The following FREM2 variants were observed in gnomAD, a reference collection of about 807,000 sequenced individuals.
FREM2 encodes the protein FRAS1-related extracellular matrix protein 2.
In FREM2, 119 loss-of-function variants were observed where a neutral mutation model predicts 219.9. The ratio of observed to expected loss-of-function variants is 0.54; its 90% CI spans 0.47 to 0.63. The LOEUF is 0.63. Ranked by LOEUF, FREM2 falls within the 30% of genes least tolerant of loss-of-function variation. The pLI is 0.00. For missense variants in FREM2, 4,030 were observed against 3,993.6 expected, an observed-to-expected ratio of 1.01 and a Z score of -0.25; for synonymous variants, 1,562 against 1,522.8, an observed-to-expected ratio of 1.03 and a Z score of -0.60.
rs371828549 is a variant in FREM2 at position 38,777,088 on chromosome 13, CATA to C, written c.5642-5978_5642-5976del. ...ATACTATATACTTTATATACTTTTT[CATA>C]ATACTTGTGAAGATTTATTAATATG... is the stretch of plus-strand genomic sequence containing the variant. On this transcript the variant is annotated intron_variant, in intron 4 of 23. Transcript: ENST00000280481. Among the ~76,000 whole-genome samples the C allele has an allele frequency of 2.6e-3, 396 of 151,664 alleles. 3 individuals are homozygous for C. Among genetic ancestry groups the C allele is most frequent in the African/African-American group, 7.2e-3 (296 of 41,382 alleles).
Position 38,690,006 on chromosome 13 carries a change from G to T in FREM2, c.2662G>T (p.Gly888Cys), listed in dbSNP as rs1420183053. The T allele has an allele frequency of 1.2e-6, 2 of 1,613,944 alleles. No individual in the cohort carries two copies. The highest frequency in any genetic ancestry group is 2.2e-5 in the South Asian group (2 of 91,072). The stretch of plus-strand genomic sequence containing the variant: ...GTCTGGACAGATCCTGCATGTAGGG[G>T]GTCTCTTCCACTTGGAGGACATAAA... ...RVSGQILHVG[G>C]LFHLEDIKQG... The change falls in exon 1 of 24, where the codon GGT becomes TGT. Residue 888 changes from glycine to cysteine, a missense_variant. Transcript: ENST00000280481.
At chr13:38,781,298 C>T (rs1874106848) in intron 4 of FREM2, among the ~76,000 whole-genome samples, 1 of 152,174 alleles carries the variant, frequency 6.6e-6, no homozygotes, top group Non-Finnish European at 1.5e-5. Context: ...TTTATTACTA[C>T]CTTCCAATCT....
intron 6 of FREM2, among the ~76,000 whole-genome samples, chr13:38,797,353 G>A (rs1874833136): frequency 6.6e-6 from 1 of 152,018 alleles, no homozygotes; most frequent in Non-Finnish European, 1.5e-5. Context: ...CTGATGCTTA[G>A]TGATGTTGCA....
chr13:38,732,301 G>C (rs768521796), intron 2 of FREM2, among the ~76,000 whole-genome samples: 6 of 152,170 alleles, frequency 3.9e-5, no homozygotes, highest in Non-Finnish European at 7.3e-5. Context: ...TCATGTCAGA[G>C]TTTGCCAAAT....
In FREM2 at chr13:38,688,046, C is replaced by T. The variant is rs1032260079; in HGVS notation, c.702C>T (p.Leu234=). The stretch of plus-strand genomic sequence containing the variant: ...CGCTGCCTCGCTATGGAGAACTCCT[C>T]CACTACCCGCAGGTCCCTGGAGGAG... ...LGALPRYGEL[L]HYPQVPGGAR... The change falls in exon 1 of 24, where the codon CTC becomes CTT. Residue 234 remains leucine (L), a synonymous_variant. Coordinates refer to ENST00000280481, the MANE Select transcript of FREM2 (RefSeq NM_207361.6). The T allele has an allele frequency of 6.2e-7, 1 of 1,608,968 alleles. No homozygotes were observed.
At position 38,688,473 on chromosome 13, in the gene FREM2, A is replaced by G. The variant is rs1402778808; in HGVS notation, c.1129A>G (p.Ser377Gly). 1 of 1,613,998 alleles carries G rather than the reference A, an allele frequency of 6.2e-7. No individual in the cohort carries two copies. The highest frequency in any genetic ancestry group is 8.5e-7 in the Non-Finnish European group (1 of 1,180,028). ...CTACTTGGTGAGCACCGATGATCGCAGCCTGCCCCTTTCCTCCTTCACTCA... is the reference window on the plus strand; with the variant it reads ...CTACTTGGTGAGCACCGATGATCGCGGCCTGCCCCTTTCCTCCTTCACTCA... ...QGYLVSTDDR[S>G]LPLSSFTQRD... Residue 377 changes from serine to glycine, a missense_variant, in exon 1 of 24, where the codon AGC becomes GGC. This residue lies in a region of FREM2 where 3,102 missense variants were observed against 2,950.7 expected (regional missense o/e 1.05). Coordinates refer to ENST00000280481, the MANE Select transcript of FREM2 (RefSeq NM_207361.6).
intron 2 of FREM2, among the ~76,000 whole-genome samples, chr13:38,709,986 TACACACACACACACACACACAC>T (rs59108347): frequency 3.2e-3 from 414 of 130,412 alleles, no homozygotes; most frequent in Admixed American, 0.013. Context: ...TAACTAAAAA[TACACACACACACACACACACAC>T]ACACACACAC....
chr13:38,708,532 T>C (rs1443189965), intron 2 of FREM2, among the ~76,000 whole-genome samples: 7 of 152,012 alleles, frequency 4.6e-5, no homozygotes, highest in Non-Finnish European at 1.0e-4. Flanking sequence ...CGTGTGCCTG[T>C]AATCCCAGCT....
intron 2 of FREM2, among the ~76,000 whole-genome samples, chr13:38,726,985 G>A (rs1315444220): frequency 1.3e-5 from 2 of 152,298 alleles, no homozygotes; most frequent in African/African-American, 4.8e-5. Context: ...GAAAGGTGGT[G>A]ATTGTCAAGC....
rs766859758 is a variant in FREM2, at chr13:38,691,718, T to A, written c.4374T>A (p.Phe1458Leu). The A allele has an allele frequency of 6.2e-7, 1 of 1,613,638 alleles. No homozygotes were observed. Among genetic ancestry groups the A allele is most frequent in the Non-Finnish European group, 8.5e-7 (1 of 1,179,554 alleles). ...ACAGTCCTGATGAAAACTTGGTTTT[T>A]ACCATCACCAGGGCTCCCATGCGAG... is the stretch of plus-strand genomic sequence containing the variant. The part of the protein sequence containing the change: ...DLNSPDENLV[F>L]TITRAPMRGH... Residue 1458 changes from phenylalanine to leucine, a missense_variant, in exon 1 of 24, where the codon TTT (phenylalanine) becomes TTA (leucine). By Grantham distance (22) the Phe-to-Leu change is conservative. Coordinates refer to ENST00000280481, the MANE Select transcript of FREM2 (RefSeq NM_207361.6).
At chr13:38,821,018 G>T (rs551481473) in intron 6 of FREM2, among the ~76,000 whole-genome samples, 1 of 152,278 alleles carries the variant, frequency 6.6e-6, no homozygotes, top group South Asian at 2.1e-4. Flanking sequence ...GGATATACCA[G>T]TGGTCACTGT....
chr13:38,751,908 G>A (rs1872791045), intron 2 of FREM2, among the ~76,000 whole-genome samples: 1 of 147,052 alleles, frequency 6.8e-6, no homozygotes, highest in Admixed American at 6.9e-5. Context: ...TTTCCTTTTG[G>A]CAGCCAAATA....
Position 38,765,863 on chromosome 13 carries a change from G to T in FREM2, c.5410+1413G>T, listed in dbSNP as rs559267560. Among the ~76,000 whole-genome samples, 5 of 152,060 alleles carry T rather than the reference G, an allele frequency of 3.3e-5. No homozygotes were observed. In the South Asian group the frequency reaches 1.0e-3, roughly 32 times the overall value. On this transcript the variant is annotated intron_variant, in intron 3 of 23. Transcript: ENST00000280481. ...TTCATTTTGCATGAGCCTCCACCTG[G>T]CTGTGCTTCTCATGCTTTGTATTTA...
chr13:38,709,676 A>C (rs1441562739), intron 2 of FREM2, among the ~76,000 whole-genome samples: 1 of 152,080 alleles, frequency 6.6e-6, no homozygotes, highest in East Asian at 1.9e-4. Flanking sequence ...GGATAATTTA[A>C]AAATCTTTTA....
rs374015166 is a variant in FREM2, at chr13:38,846,741, G to A, written c.6169+19G>A. 210 of 1,613,016 alleles carry A rather than the reference G, an allele frequency of 1.3e-4. 1 individual carries two copies. Among genetic ancestry groups the A allele is most frequent in the Non-Finnish European group, 1.6e-4 (192 of 1,179,338 alleles). On this transcript the variant is annotated intron_variant, in intron 7 of 23. Transcript: ENST00000280481. ...GCAGATGGTGAGCAGTTTCCCACTCGGCTCTTTTGATTGTTCTGCAATTTT... is the reference window on the plus strand; with the variant it reads ...GCAGATGGTGAGCAGTTTCCCACTCAGCTCTTTTGATTGTTCTGCAATTTT...
At chr13:38,721,302 C>T (rs1350896610) in intron 2 of FREM2, among the ~76,000 whole-genome samples, 1 of 152,036 alleles carries the variant, frequency 6.6e-6, no homozygotes, top group African/African-American at 2.4e-5. Flanking sequence ...GTGATGTAAA[C>T]TGACAAGACA....
rs760116194 is a variant in FREM2, at chr13:38,784,565, A to G, written c.5776A>G (p.Thr1926Ala). The change falls in exon 6 of 24, where the codon ACT (threonine) becomes GCT (alanine). Residue 1926 changes from threonine to alanine, a missense_variant. By Grantham distance (58) the Thr-to-Ala change is moderately conservative. Around this residue, in one of 2 missense-constraint regions of FREM2, gnomAD observed 3,102 missense variants for 2,950.7 expected, o/e 1.05. Transcript: ENST00000280481. ...VVCYTQQGTA[T>A]GTVPTSVLSY... ...ATTCTCTCTGCTTCCAGGAACAGCAACTGGAACTGTGCCGACTTCCGTGTT... is the reference window on the plus strand; with the variant it reads ...ATTCTCTCTGCTTCCAGGAACAGCAGCTGGAACTGTGCCGACTTCCGTGTT... The G allele has an allele frequency of 3.7e-6, 6 of 1,614,028 alleles. No individual in the cohort carries two copies. The highest frequency in any genetic ancestry group is 2.7e-5 in the African/African-American group (2 of 74,954).
At chr13:38,752,359 G>A (rs1364419418) in intron 2 of FREM2, among the ~76,000 whole-genome samples, 2 of 152,018 alleles carry the variant, frequency 1.3e-5, no homozygotes, top group Non-Finnish European at 2.9e-5. Flanking sequence ...TGATTTTGCC[G>A]CTGAAAACAA....
chr13:38,750,097 C>T (rs1227221605), intron 2 of FREM2, among the ~76,000 whole-genome samples: 1 of 152,050 alleles, frequency 6.6e-6, no homozygotes, highest in Non-Finnish European at 1.5e-5. Flanking sequence ...TTGCTTAGGA[C>T]CAAAACTCCT....
Sources: gnomAD v4.1 joint callset for allele counts (sites outside exome capture counted in the v4.1 genomes callset) on GRCh38, gnomAD v4.1.1 for gene constraint, gnomAD v4.1.1 regional missense constraint, MANE v1.5 for transcripts, NCBI Gene and HGNC (gene_info 2026-07-23, HGNC 2026-07-21) for gene names.